ZNF738: variants seen among roughly 807,000 people sequenced by gnomAD.
The protein encoded by ZNF738 is zinc finger protein 738.
In ZNF738, 10 loss-of-function variants were observed where a neutral mutation model predicts 9.2. The observed-to-expected ratio is 1.09, with a 90% CI of 0.67 to 1.85. The LOEUF (loss-of-function observed/expected upper bound fraction) is 1.85. Among genes scored for constraint, ZNF738 ranks in the 40% most tolerant of loss-of-function variants. The pLI, the probability that ZNF738 is intolerant of heterozygous loss-of-function variation, is 0.00. For missense variants in ZNF738, 346 were observed against 283.6 expected (o/e 1.22, Z -1.58); for synonymous variants, 113 against 94.5 (o/e 1.20, Z -1.14).
intron 4 of ZNF738, chr19:21,377,512 GCACA>G (rs112058265): frequency 1.6e-4 from 85 of 545,752 alleles, no homozygotes; most frequent in South Asian, 2.7e-4. Context: ...ACACAGACGT[GCACA>G]CACACACACA....
At chr19:21,364,345 G>A (rs990400368) in intron 2 of ZNF738, among the ~76,000 whole-genome samples, 3 of 151,922 alleles carry the variant, frequency 2.0e-5, no homozygotes, top group East Asian at 1.9e-4. Context: ...AATGGCAAAC[G>A]GGGGGTTAAA....
At position 21,385,028 on chromosome 19, in the gene ZNF738, C is replaced by G. The variant is rs1974051125; in HGVS notation, c.*1354C>G. ...ACAAATGTGAAGAATGTGGCAAAGGCTTTGACTGGTCCTCTACCCTTACTA... is the reference window on the plus strand; with the variant it reads ...ACAAATGTGAAGAATGTGGCAAAGGGTTTGACTGGTCCTCTACCCTTACTA... On this transcript the variant is annotated 3_prime_UTR_variant, in exon 5 of 5. Transcript: ENST00000683779. 6.6e-6 allele frequency among the ~76,000 whole-genome samples: 1 copy of G among 152,058 alleles called. No homozygotes were observed. The highest frequency in any genetic ancestry group is 1.5e-5 in the Non-Finnish European group (1 of 67,990).
intron 2 of ZNF738, among the ~76,000 whole-genome samples, chr19:21,369,468 C>G (rs1419369257): frequency 6.6e-6 from 1 of 152,026 alleles, no homozygotes; most frequent in Non-Finnish European, 1.5e-5. Context: ...TATTCCGTGT[C>G]TTTGTTATTG....
chr19:21,367,817 T>C (rs1007677078), intron 2 of ZNF738, among the ~76,000 whole-genome samples: 2 of 152,208 alleles, frequency 1.3e-5, no homozygotes, highest in Non-Finnish European at 2.9e-5. Flanking sequence ...CTCCCAGGAC[T>C]AGGCACCACC....
In ZNF738 at chr19:21,385,056, G is replaced by A. The variant is rs1272588767; in HGVS notation, c.*1382G>A. 6.6e-6 allele frequency among the ~76,000 whole-genome samples: 1 copy of A among 152,024 alleles called. No individual in the cohort carries two copies. The highest frequency in any genetic ancestry group is 2.4e-5 in the African/African-American group (1 of 41,378). On this transcript the variant is annotated 3_prime_UTR_variant, in exon 5 of 5. Transcript: ENST00000683779. ...TGACTGGTCCTCTACCCTTACTAAA[G>A]ATAAAAGAGTTTGACTGGGTGCGGT...
chr19:21,375,273 C>G lies in ZNF738; in HGVS notation c.132C>G (p.Phe44Leu), dbSNP rs753648301. ...PLTFRDVVIEFSQEEWQCLDT... is the reference protein window; with the variant it reads ...PLTFRDVVIELSQEEWQCLDT... ...CATTTAGGGATGTGGTCATAGAATTCTCTCAGGAGGAGTGGCAATGCCTGG... is the reference window on the plus strand; with the variant it reads ...CATTTAGGGATGTGGTCATAGAATTGTCTCAGGAGGAGTGGCAATGCCTGG... Residue 44 changes from phenylalanine to leucine, a missense_variant, in exon 3 of 5, where the codon TTC becomes TTG. Phe to Leu is a conservative substitution (Grantham distance 22). Coordinates refer to ENST00000683779, the MANE Select transcript of ZNF738 (RefSeq NM_001355237.2). 1 of 1,145,046 alleles carries G rather than the reference C, an allele frequency of 8.7e-7. No individual in the cohort carries two copies. The highest frequency in any genetic ancestry group is 1.3e-6 in the Non-Finnish European group (1 of 754,090). The allele number at this position is 1,145,046 out of a possible 1,614,324, so 70.9% of individuals were successfully genotyped here.
At chr19:21,381,762 G>A (rs1464348248) in intron 4 of ZNF738, 2 of 292,374 alleles carry the variant, frequency 6.8e-6, no homozygotes, top group East Asian at 8.9e-5. Flanking sequence ...CAAAGTGCTG[G>A]GATTACAAGC....
At position 21,385,349 on chromosome 19, in the gene ZNF738, T is replaced by C. The variant is rs2145245894; in HGVS notation, c.*1675T>C. On this transcript the variant is annotated 3_prime_UTR_variant, in exon 5 of 5. Coordinates refer to ENST00000683779, the MANE Select transcript of ZNF738 (RefSeq NM_001355237.2). ...TGCACACCTGTAGTCCCAGCTACTC[T>C]GGAGGCCTAGGTGGGAGAATCGCTT... 6.6e-6 allele frequency among the ~76,000 whole-genome samples: 1 copy of C among 151,974 alleles called. No homozygotes were observed. Among genetic ancestry groups the C allele is most frequent in the Non-Finnish European group, 1.5e-5 (1 of 67,924 alleles).
At chr19:21,378,959 G>T (rs975773239) in intron 4 of ZNF738, 1 of 152,078 alleles carries the variant, frequency 6.6e-6, no homozygotes, top group Non-Finnish European at 1.5e-5. Context: ...TTAAAATTGT[G>T]CTTACATATG....
chr19:21,361,817 G>A lies in ZNF738; in HGVS notation c.55G>A (p.Gly19Arg), dbSNP rs1455620866. The change falls in exon 2 of 5, where the codon GGG becomes AGG. Residue 19 changes from glycine (G) to arginine (R), a missense_variant. Transcript: ENST00000683779. ...YPVKGASGYP[G>R]AERNLLEYSY... ...TGTCAAGGGGGCAAGTGGATACCCT[G>A]GGGCTGAGAGGAATCTTCTGGAGTA... 1.3e-6 allele frequency: 1 copy of A among 780,652 alleles called. No individual in the cohort carries two copies. Among genetic ancestry groups the A allele is most frequent in the Non-Finnish European group, 2.4e-6 (1 of 418,006 alleles). The allele number at this position is 780,652 out of a possible 1,614,324, so 48.4% of individuals were successfully genotyped here.
intron 2 of ZNF738, among the ~76,000 whole-genome samples, chr19:21,365,111 A>G (rs1366262296): frequency 6.6e-6 from 1 of 152,000 alleles, no homozygotes; most frequent in Non-Finnish European, 1.5e-5. Flanking sequence ...TTCCCATTGT[A>G]GACCATATAG....
At chr19:21,372,224 G>A (rs1443065899) in intron 2 of ZNF738, 1 of 152,162 alleles carries the variant, frequency 6.6e-6, no homozygotes, top group East Asian at 1.9e-4. Flanking sequence ...TTACAGGCAT[G>A]AGCCACCGTG....
At chr19:21,371,577 T>C (rs1225835524) in intron 2 of ZNF738, among the ~76,000 whole-genome samples, 1 of 152,148 alleles carries the variant, frequency 6.6e-6, no homozygotes, top group Non-Finnish European at 1.5e-5. Context: ...ATTCAAAAAA[T>C]AGATGAAGCA....
chr19:21,361,514 T>A (rs1457881538), intron 1 of ZNF738, among the ~76,000 whole-genome samples: 2 of 152,232 alleles, frequency 1.3e-5, no homozygotes, highest in Non-Finnish European at 2.9e-5. Context: ...AATAATCCCC[T>A]GACACTGTGT....
chr19:21,380,477 G>A (rs1380417517), intron 4 of ZNF738, among the ~76,000 whole-genome samples: 1 of 152,100 alleles, frequency 6.6e-6, no homozygotes, highest in Non-Finnish European at 1.5e-5. Context: ...CTGGGGTTTT[G>A]CTTCCTCACA....
At chr19:21,378,277 A>G (rs985511553) in intron 4 of ZNF738, 2 of 301,570 alleles carry the variant, frequency 6.6e-6, no homozygotes, top group Non-Finnish European at 1.2e-5. Flanking sequence ...TAAGAAATGT[A>G]TTTTTGTGTA....
In ZNF738 at chr19:21,385,831, C is replaced by A. The variant is rs1974060361; in HGVS notation, c.*2157C>A. On this transcript the variant is annotated 3_prime_UTR_variant, in exon 5 of 5. Transcript: ENST00000683779. Reference sequence around the variant, plus strand: ...ATACTTTACTAAAAATAAGGTGATTCATTCTGGAGAGAAATTCTACAAATG... The same window carrying A: ...ATACTTTACTAAAAATAAGGTGATTAATTCTGGAGAGAAATTCTACAAATG... 6.6e-6 allele frequency among the ~76,000 whole-genome samples: 1 copy of A among 151,968 alleles called. No homozygotes were observed. The highest frequency in any genetic ancestry group is 2.1e-4 in the South Asian group (1 of 4,816).
In ZNF738 at chr19:21,386,066, CAT is replaced by C. The variant is rs1453646706; in HGVS notation, c.*2394_*2395del. 6.6e-6 allele frequency among the ~76,000 whole-genome samples: 1 copy of C among 151,380 alleles called. No homozygotes were observed. The highest frequency in any genetic ancestry group is 2.4e-5 in the African/African-American group (1 of 41,198). ...TTATAGATTCTCATACCTTATTAAA[CAT>C]AAAATCTTACAGGAGAGAAATTATA... On this transcript the variant is annotated 3_prime_UTR_variant, in exon 5 of 5. Coordinates refer to ENST00000683779, the MANE Select transcript of ZNF738 (RefSeq NM_001355237.2).
chr19:21,385,605 T>A lies in ZNF738; in HGVS notation c.*1931T>A, dbSNP rs978553277. On this transcript the variant is annotated 3_prime_UTR_variant, in exon 5 of 5. Transcript: ENST00000683779. ...ATACTGGAAGGAAACCCTACAAATG[T>A]AAAGAATGTGAGAAAGCTTTTAACT... 2.6e-5 allele frequency among the ~76,000 whole-genome samples: 4 copies of A among 152,148 alleles called. No homozygotes were observed. Among genetic ancestry groups the A allele is most frequent in the African/African-American group, 4.8e-5 (2 of 41,440 alleles).
Sources: allele counts gnomAD v4.1 joint callset (sites outside exome capture counted in the v4.1 genomes callset), GRCh38; gene constraint gnomAD v4.1.1; transcripts MANE v1.5; gene names NCBI Gene and HGNC (gene_info 2026-07-23, HGNC 2026-07-21).